The following TBCD variants were observed in gnomAD, a reference collection of about 807,000 sequenced individuals.
TBCD encodes tubulin-specific chaperone D.
A neutral mutation model predicts 169.3 loss-of-function variants in TBCD; 105 were observed. That is an observed-to-expected ratio of 0.62 (90% CI 0.53 to 0.73). The LOEUF is 0.73. Among genes scored for constraint, TBCD ranks in the 30% least tolerant of loss-of-function variants. TBCD has a pLI of 0.00. For synonymous variants in TBCD, 700 were observed against 643.9 expected, an observed-to-expected ratio of 1.09 and a Z score of -1.32; for missense variants, 1,444 against 1,600.1, an observed-to-expected ratio of 0.90 and a Z score of 1.66.
chr17:82,918,637 G>A (rs1389709253), intron 23 of TBCD: 1 of 152,168 alleles, frequency 6.6e-6, no homozygotes, highest in East Asian at 1.9e-4. Context: ...GTCTACCACT[G>A]AGTCCCGTGT....
At chr17:82,837,675 C>T (rs2145386726) in intron 13 of TBCD, among the ~76,000 whole-genome samples, 1 of 152,320 alleles carries the variant, frequency 6.6e-6, no homozygotes, top group African/African-American at 2.4e-5. Context: ...TCTCATTTCC[C>T]ACTGGATCGG....
chr17:82,809,812 G>C, intron 12 of TBCD, 30 bp downstream of exon 12: 1 of 1,605,978 alleles, frequency 6.2e-7, no homozygotes, highest in Non-Finnish European at 8.5e-7. Context: ...GAGGCGTGTG[G>C]GCCTGACCCT....
rs1337537265 is a variant in TBCD at position 82,831,101 on chromosome 17, G to A, written c.1318+16167G>A. On this transcript the variant is annotated intron_variant, in intron 13 of 38. Transcript: ENST00000355528. This position sits in a 1 kb window ranked among gnomAD's most constrained non-coding sequence, Gnocchi z 4.6. Reference sequence around the variant, plus strand: ...TTCTTAACAGGCCTGAAGGCTGTGAGGCTTTGCTCTGGCGGGTAGAGTCTT... The same window carrying A: ...TTCTTAACAGGCCTGAAGGCTGTGAAGCTTTGCTCTGGCGGGTAGAGTCTT... 6.2e-7 allele frequency: 1 copy of A among 1,614,218 alleles called. No homozygotes were observed. Among genetic ancestry groups the A allele is most frequent in the African/African-American group, 1.3e-5 (1 of 75,054 alleles).
intron 9 of TBCD, among the ~76,000 whole-genome samples, chr17:82,805,242 G>A (rs1005058945): frequency 1.3e-5 from 2 of 152,222 alleles, no homozygotes; most frequent in East Asian, 3.9e-4. Flanking sequence ...GGCATGGAGC[G>A]GCTCAGGAGC....
chr17:82,916,592 C>T (rs538243190), intron 23 of TBCD, among the ~76,000 whole-genome samples: 2 of 151,970 alleles, frequency 1.3e-5, no homozygotes, highest in Non-Finnish European at 2.9e-5. Flanking sequence ...TTTATTCATT[C>T]GTTTGTGTTT....
rs1003387795 is a variant in TBCD, at chr17:82,944,670, T to G, written c.*2207T>G. On this transcript the variant is annotated 3_prime_UTR_variant, in exon 39 of 39. Coordinates refer to ENST00000355528, the MANE Select transcript of TBCD (RefSeq NM_005993.5). ...TTTAGAGAGCAGCAAGAAGCCAGTA[T>G]CCCTGGGACCGGGGAGCTGATGTGG... is the stretch of plus-strand genomic sequence containing the variant. 2 of 152,176 alleles carry G rather than the reference T, an allele frequency of 1.3e-5. No homozygotes were observed. The highest frequency in any genetic ancestry group is 2.9e-5 in the Non-Finnish European group (2 of 68,058). The allele number at this position is 152,176 out of a possible 1,614,324, so 9.4% of individuals were successfully genotyped here.
chr17:82,891,462 A>T (rs1042886662), intron 16 of TBCD, among the ~76,000 whole-genome samples: 4 of 152,232 alleles, frequency 2.6e-5, no homozygotes, highest in Non-Finnish European at 5.9e-5. Flanking sequence ...GAAGAGACAC[A>T]GACTTTGAAA....
chr17:82,797,895 A>G (rs898936113), intron 8 of TBCD, 93 bp downstream of exon 8: 2 of 915,532 alleles, frequency 2.2e-6, no homozygotes, highest in African/African-American at 1.7e-5. Context: ...TCATAGATAT[A>G]GGAACTGTAC....
intron 33 of TBCD, among the ~76,000 whole-genome samples, chr17:82,931,583 C>CT (rs1195277844): frequency 6.6e-6 from 1 of 152,220 alleles, no homozygotes; most frequent in African/African-American, 2.4e-5. Flanking sequence ...CACAGTGCAT[C>CT]TGTCTGTGGG....
At chr17:82,899,377 GTGTCCTC>G (rs2059740526) in intron 17 of TBCD, among the ~76,000 whole-genome samples, 3 of 72,098 alleles carry the variant, frequency 4.2e-5, no homozygotes, top group Non-Finnish European at 1.0e-4. Context: ...CTCAGCGCAC[GTGTCCTC>G]AGCACGCGTG....
rs563213522 is a variant in TBCD, at chr17:82,780,508, C to G, written c.639-1081C>G. Among the ~76,000 whole-genome samples, 5 of 151,954 alleles carry G rather than the reference C, an allele frequency of 3.3e-5. No individual in the cohort carries two copies. The South Asian group carries it at 1.0e-3, about 32-fold the overall frequency. The stretch of plus-strand genomic sequence containing the variant: ...GGCATGGTGGCGTGCGCTTGTAGTC[C>G]CAGCTACTCGAGAGGCTGAGGCAGG... On this transcript the variant is annotated intron_variant, in intron 6 of 38. Transcript: ENST00000355528.
rs557950098 is a variant in TBCD at position 82,782,346 on chromosome 17, T to C, written c.771+625T>C. ...GGCTGCAGCTCCCTGGTCAGCCTTC[T>C]GGAGGGGGAGCCGGCAGCCGGCTGT... On this transcript the variant is annotated intron_variant, in intron 7 of 38. Transcript: ENST00000355528. This position sits in a 1 kb window ranked among gnomAD's most constrained non-coding sequence, Gnocchi z 5.1. Among the ~76,000 whole-genome samples the C allele has an allele frequency of 2.0e-5, 3 of 152,336 alleles. No homozygotes were observed. The highest frequency in any genetic ancestry group is 7.2e-5 in the African/African-American group (3 of 41,590).
intron 12 of TBCD, among the ~76,000 whole-genome samples, chr17:82,811,303 G>A (rs760689049): frequency 7.2e-5 from 11 of 152,246 alleles, no homozygotes; most frequent in Admixed American, 2.0e-4. Context: ...GGCCTAGTGC[G>A]TCTCCTAAAC....
At chr17:82,844,516 G>T (rs989645338) in intron 13 of TBCD, among the ~76,000 whole-genome samples, 1 of 151,908 alleles carries the variant, frequency 6.6e-6, no homozygotes, top group East Asian at 1.9e-4. Context: ...GCTTTTTAGG[G>T]ACCTGTCCTG....
intron 6 of TBCD, among the ~76,000 whole-genome samples, chr17:82,781,347 T>C (rs971669706): frequency 2.0e-5 from 3 of 150,598 alleles, no homozygotes; most frequent in East Asian, 4.0e-4. Flanking sequence ...GCCTGCGACC[T>C]GAGAGGTTGT....
chr17:82,859,727 T>A (rs1286507719), intron 13 of TBCD: 1 of 985,316 alleles, frequency 1.0e-6, no homozygotes, highest in Non-Finnish European at 1.2e-6. Flanking sequence ...GTGGAAAGAT[T>A]CCAGTCCACA....
At chr17:82,938,197 G>C in intron 36 of TBCD, 61 bp downstream of exon 36, 1 of 1,533,294 alleles carries the variant, frequency 6.5e-7, no homozygotes, top group Non-Finnish European at 8.9e-7. Context: ...TCAGTGACAA[G>C]AAGGCCTTCG....
intron 13 of TBCD, chr17:82,858,446 C>A: frequency 2.5e-6 from 1 of 397,760 alleles, no homozygotes; most frequent in Non-Finnish European, 3.4e-6. Context: ...AGCTCCAGGC[C>A]TATTCGGCAT....
At position 82,832,156 on chromosome 17, in the gene TBCD, G is replaced by C; in HGVS notation, c.1318+17222G>C. On this transcript the variant is annotated intron_variant, in intron 13 of 38. Transcript: ENST00000355528. The surrounding 1 kb of genome is among the most constrained non-coding windows in gnomAD (Gnocchi z 4.9). ...CCTGGCAGAGCTGTGCTGAAGCTTC[G>C]AGTCGAAGGCAGAGAGTCCATTTGC... 2 of 1,614,220 alleles carry C rather than the reference G, an allele frequency of 1.2e-6. No homozygotes were observed. The highest frequency in any genetic ancestry group is 1.7e-6 in the Non-Finnish European group (2 of 1,180,044).
Sources: gnomAD v4.1 joint callset for allele counts (sites outside exome capture counted in the v4.1 genomes callset) on GRCh38, gnomAD v4.1.1 for gene constraint, Gnocchi (gnomAD v3.1) non-coding constraint, MANE v1.5 for transcripts, NCBI Gene and HGNC (gene_info 2026-07-23, HGNC 2026-07-21) for gene names.